ARHGAP29: variants seen among roughly 807,000 people sequenced by gnomAD.
ARHGAP29 encodes Rho GTPase activating protein 29.
A neutral mutation model predicts 122.6 loss-of-function variants in ARHGAP29; 43 were observed. That is an observed-to-expected ratio of 0.35 (90% confidence interval 0.27 to 0.45). The LOEUF (loss-of-function observed/expected upper bound fraction) is 0.45, where lower values mean the gene tolerates loss of function less well. Ranked by LOEUF, ARHGAP29 falls within the 20% of genes least tolerant of loss-of-function variation. The probability of loss-of-function intolerance (pLI) is 1.00; values close to 1 mark genes in which losing one functional copy is unlikely to be tolerated. For synonymous variants in ARHGAP29, 506 were observed against 497.1 expected, an observed-to-expected ratio of 1.02 and a Z score of -0.24; for missense variants, 1,303 against 1,477.2, an observed-to-expected ratio of 0.88 and a Z score of 1.93.
At chr1:94,239,638 G>C (rs774080701), upstream of ARHGAP29, among the ~76,000 whole-genome samples, 1 of 151,956 alleles carries the variant, frequency 6.6e-6, no homozygotes, top group African/African-American at 2.4e-5. Context: ...AAGAAAATGA[G>C]ATGGAGAGAG....
At position 94,174,264 on chromosome 1, in the gene ARHGAP29, G is replaced by A. The variant is rs753908262; in HGVS notation, c.3391C>T (p.Pro1131Ser). 3 of 1,614,184 alleles carry A rather than the reference G, an allele frequency of 1.9e-6. No individual in the cohort carries two copies. The highest frequency in any genetic ancestry group is 1.7e-5 in the Admixed American group (1 of 60,022). Reference sequence around the variant, plus strand: ...GATGCCTCTCTCACTGACCTGACTGGCTCTGCATATGGCTTACTGGGTTGA... The same window carrying A: ...GATGCCTCTCTCACTGACCTGACTGACTCTGCATATGGCTTACTGGGTTGA... ...ATQPSKPYAE[P>S]VRSVREASER... is the part of the protein sequence containing the mutation. The change falls in exon 23 of 23, where the codon CCA becomes TCA. Residue 1131 changes from proline to serine, a missense_variant. Pro to Ser is a moderately conservative substitution (Grantham distance 74, BLOSUM62 -1). Transcript: ENST00000260526.
chr1:94,313,973 C>T, the ARHGAP29 span, among the ~76,000 whole-genome samples: 20 of 151,986 alleles, frequency 1.3e-4, no homozygotes, highest in African/African-American at 4.1e-4. Context: ...CAGGGCCTGT[C>T]GGGGGGTGGG....
rs377040473 is a variant in ARHGAP29 at position 94,177,813 on chromosome 1, T to G, written c.2796+39A>C. On this transcript the variant is annotated intron_variant, in intron 21 of 22. Transcript: ENST00000260526. ...ATCTTTAACTTATTAACATAAATAT[T>G]ACAAAGTTCTAATATAATTCTATAA... is the stretch of plus-strand genomic sequence containing the variant. The G allele has an allele frequency of 6.4e-6, 10 of 1,558,092 alleles. No homozygotes were observed. In the African/African-American group the frequency reaches 1.1e-4, roughly 17 times the overall value.
At chr1:94,189,172 C>A in intron 14 of ARHGAP29, 44 bp downstream of exon 14, 1 of 1,562,532 alleles carries the variant, frequency 6.4e-7, no homozygotes, top group Non-Finnish European at 8.6e-7. Context: ...TTCGAACAAC[C>A]TGACCTTTTA....
chr1:94,310,612 G>A, the ARHGAP29 span, among the ~76,000 whole-genome samples: 5 of 152,120 alleles, frequency 3.3e-5, no homozygotes, highest in South Asian at 2.1e-4. Flanking sequence ...TGAGTCAACC[G>A]CTCTTTGACC....
intron 12 of ARHGAP29, among the ~76,000 whole-genome samples, chr1:94,201,300 A>C (rs1650827203): frequency 6.6e-6 from 1 of 152,216 alleles, no homozygotes; most frequent in Admixed American, 6.5e-5. Flanking sequence ...AGATCAAAAG[A>C]AATTCAAACT....
Position 94,173,545 on chromosome 1 carries a change from A to G in ARHGAP29, c.*324T>C, listed in dbSNP as rs112984569. ...CAAATTGCACCTATTAGTTGAGACTATATCATATATTAGGGATGCATTCAA... is the reference window on the plus strand; with the variant it reads ...CAAATTGCACCTATTAGTTGAGACTGTATCATATATTAGGGATGCATTCAA... On this transcript the variant is annotated 3_prime_UTR_variant, in exon 23 of 23. Transcript: ENST00000260526. 505 of 221,196 alleles carry G rather than the reference A, an allele frequency of 2.3e-3. 11 individuals are homozygous for G. In the Middle Eastern group the frequency reaches 0.023, roughly 10 times the overall value. 13.7% of individuals were successfully genotyped at this position (221,196 alleles called of 1,614,324 possible). A position where few individuals can be genotyped will look rare whatever the true frequency, so the allele number is the denominator to read the frequency against.
chr1:94,170,286 C>G lies in ARHGAP29; in HGVS notation c.*3583G>C, dbSNP rs1648648141. Among the ~76,000 whole-genome samples, 1 of 152,116 alleles carries G rather than the reference C, an allele frequency of 6.6e-6. No individual in the cohort carries two copies. The highest frequency in any genetic ancestry group is 1.5e-5 in the Non-Finnish European group (1 of 68,022). On this transcript the variant is annotated 3_prime_UTR_variant, in exon 23 of 23. Transcript: ENST00000260526. ...TGGCATGACACATTTGAGTATAGAG[C>G]ATCATTTCTGTAGTATTGGACAAAA...
chr1:94,211,841 G>A (rs982503451), intron 3 of ARHGAP29, among the ~76,000 whole-genome samples: 7 of 152,054 alleles, frequency 4.6e-5, no homozygotes, highest in African/African-American at 1.7e-4. Flanking sequence ...TGACAAGTTG[G>A]TGTGCTGCAC....
intron 1 of ARHGAP29, among the ~76,000 whole-genome samples, chr1:94,274,441 C>T (rs1013027059): frequency 6.6e-6 from 1 of 152,148 alleles, no homozygotes; most frequent in African/African-American, 2.4e-5. Context: ...TATTTTAAAT[C>T]CTACAGAGAA....
chr1:94,193,387 AAGAAACAATAG>A (rs1451092173), intron 12 of ARHGAP29: 4 of 151,900 alleles, frequency 2.6e-5, no homozygotes, highest in African/African-American at 4.8e-5. Context: ...AAAAAAATTG[AAGAAACAATAG>A]TTGAAAACTT....
At chr1:94,215,112 A>G (rs1210178643) in intron 3 of ARHGAP29, among the ~76,000 whole-genome samples, 1 of 148,196 alleles carries the variant, frequency 6.7e-6, no homozygotes, top group Non-Finnish European at 1.5e-5. Context: ...AGGAAAAAAA[A>G]AAAAAAAGAA....
rs758405307 is a variant in ARHGAP29 at position 94,220,313 on chromosome 1, G to C, written c.285C>G (p.Asn95Lys). The C allele has an allele frequency of 6.2e-7, 1 of 1,613,334 alleles. No homozygotes were observed. The highest frequency in any genetic ancestry group is 2.2e-5 in the East Asian group (1 of 44,790). ...VLKSIMNKHQ[N>K]LNSVDLQNAA... Reference sequence around the variant, plus strand: ...CATTTTGAAGATCAACAGAATTGAGGTTCTGATGTTTATTCATTATAGACT... The same window carrying C: ...CATTTTGAAGATCAACAGAATTGAGCTTCTGATGTTTATTCATTATAGACT... The change falls in exon 3 of 23, where the codon AAC (asparagine) becomes AAG (lysine). Residue 95 changes from asparagine to lysine, a missense_variant. By Grantham distance (94) the Asn-to-Lys change is moderately conservative. Transcript: ENST00000260526.
intron 1 of ARHGAP29, among the ~76,000 whole-genome samples, chr1:94,255,819 G>A (rs528712263): frequency 3.3e-5 from 5 of 152,204 alleles, no homozygotes; most frequent in Non-Finnish European, 7.3e-5. Flanking sequence ...TCTAAGAGAG[G>A]AAGAGTTAGT....
intron 8 of ARHGAP29, 113 bp downstream of exon 8, chr1:94,203,817 A>G: frequency 1.2e-6 from 1 of 805,800 alleles, no homozygotes; most frequent in Middle Eastern, 2.4e-4. Context: ...CAATAAAAAG[A>G]TCAGCATTTA....
the ARHGAP29 span, among the ~76,000 whole-genome samples, chr1:94,280,116 C>T: frequency 2.6e-5 from 4 of 151,888 alleles, no homozygotes; most frequent in African/African-American, 9.7e-5. Context: ...GTGTACAATT[C>T]AGGGAAATTA....
chr1:94,286,842 A>G, the ARHGAP29 span, among the ~76,000 whole-genome samples: 15 of 152,172 alleles, frequency 9.9e-5, no homozygotes, highest in Admixed American at 4.6e-4. Flanking sequence ...AAAGTGGAAT[A>G]TGGTATGGTA....
chr1:94,241,725 AATATATATT>A (rs1328431796), upstream of ARHGAP29, among the ~76,000 whole-genome samples: 6 of 1,858 alleles, frequency 3.2e-3, no homozygotes, highest in African/African-American at 5.1e-3. Flanking sequence ...ATTTATATAT[AATATATATT>A]TATATATATA....
intron 3 of ARHGAP29, among the ~76,000 whole-genome samples, chr1:94,210,468 G>A (rs1651515165): frequency 6.6e-6 from 1 of 152,160 alleles, no homozygotes; most frequent in Non-Finnish European, 1.5e-5. Flanking sequence ...TCCTAGGCAG[G>A]AGTGAATTAA....
Sources: gnomAD v4.1 joint callset for allele counts (sites outside exome capture counted in the v4.1 genomes callset) on GRCh38, gnomAD v4.1.1 for gene constraint, MANE v1.5 for transcripts, NCBI Gene and HGNC (gene_info 2026-07-23, HGNC 2026-07-21) for gene names.